The following NLGN1 variants were observed in gnomAD, a reference collection of about 807,000 sequenced individuals.
NLGN1 encodes the protein neuroligin-1.
Under a neutral mutation model 65.5 loss-of-function variants are expected in NLGN1, and 12 were observed. The observed-to-expected ratio is 0.18, with a 90% CI of 0.12 to 0.30. The LOEUF is 0.30. Ranked by LOEUF, NLGN1 falls within the 10% of genes least tolerant of loss-of-function variation. The pLI, the probability that NLGN1 is intolerant of heterozygous loss-of-function variation, is 1.00. For synonymous variants in NLGN1, 350 were observed against 359.5 expected (o/e 0.97, Z 0.30); for missense variants, 750 against 1,007.1 (o/e 0.74, Z 3.46).
intron 3 of NLGN1, among the ~76,000 whole-genome samples, chr3:173,726,461 A>G (rs1393014697): frequency 1.3e-5 from 2 of 152,062 alleles, no homozygotes; most frequent in Non-Finnish European, 2.9e-5. Context: ...AGAAAATGGT[A>G]TAAAATATTT....
In NLGN1 at chr3:173,610,114, G is replaced by A. The variant is rs542137275; in HGVS notation, c.493+5023G>A. Among the ~76,000 whole-genome samples, 11 of 151,998 alleles carry A rather than the reference G, an allele frequency of 7.2e-5. 1 individual carries two copies. Among genetic ancestry groups the A allele is most frequent in the Admixed American group, 6.6e-4 (10 of 15,206 alleles). ...AGGCTCCAGGTAAGACTTGGTCATG[G>A]TCCAGGCTCAAACCAGGGTAGTAAC... On this transcript the variant is annotated intron_variant, in intron 3 of 6. Transcript: ENST00000457714.
chr3:173,450,573 G>A (rs1185315047), intron 2 of NLGN1, among the ~76,000 whole-genome samples: 1 of 152,034 alleles, frequency 6.6e-6, no homozygotes, highest in Non-Finnish European at 1.5e-5. Flanking sequence ...TATCTTTGTG[G>A]CATTCTCTGT....
chr3:174,197,417 G>A (rs561140671), intron 4 of NLGN1, among the ~76,000 whole-genome samples: 10 of 149,272 alleles, frequency 6.7e-5, no homozygotes, highest in Middle Eastern at 3.6e-3. Context: ...TAAGTGAGCC[G>A]TACTAGGATA....
Position 173,743,203 on chromosome 3 carries a change from C to T in NLGN1, c.494-64477C>T, listed in dbSNP as rs147070252. Among the ~76,000 whole-genome samples the T allele has an allele frequency of 2.5e-3, 383 of 152,220 alleles. 1 individual carries two copies. Among genetic ancestry groups the T allele is most frequent in the Non-Finnish European group, 4.1e-3 (276 of 68,006 alleles). On this transcript the variant is annotated intron_variant, in intron 3 of 6. Coordinates refer to ENST00000457714, the Ensembl canonical transcript of NLGN1. ...AATAGATGGTAACAGTTAAGTTCTA[C>T]GTTCTAAATTTGATTTATTTTTATC...
intron 4 of NLGN1, among the ~76,000 whole-genome samples, chr3:174,124,024 C>A (rs190585815): frequency 1.8e-4 from 27 of 152,086 alleles, no homozygotes; most frequent in Admixed American, 1.3e-4. Context: ...TAAATGGGGT[C>A]ATAAGGGCGG....
intron 3 of NLGN1, among the ~76,000 whole-genome samples, chr3:173,790,960 A>G (rs1450656222): frequency 2.0e-5 from 3 of 152,204 alleles, no homozygotes; most frequent in African/African-American, 7.2e-5. Flanking sequence ...TATGACACAG[A>G]CAAATTATCA....
chr3:174,223,546 G>C (rs1346930292), intron 4 of NLGN1, among the ~76,000 whole-genome samples: 1 of 151,842 alleles, frequency 6.6e-6, no homozygotes, highest in Non-Finnish European at 1.5e-5. Context: ...CCACTCACCT[G>C]CCTTCAACTA....
intron 2 of NLGN1, among the ~76,000 whole-genome samples, chr3:173,464,262 G>A (rs938388381): frequency 1.7e-4 from 26 of 152,150 alleles, no homozygotes; most frequent in African/African-American, 6.3e-4. Flanking sequence ...TAATTTTATA[G>A]ATGTGGAAAC....
At chr3:174,051,730 A>G (rs1734934041) in intron 4 of NLGN1, among the ~76,000 whole-genome samples, 1 of 152,064 alleles carries the variant, frequency 6.6e-6, no homozygotes, top group Non-Finnish European at 1.5e-5. Flanking sequence ...AGCAAGTGAC[A>G]TTAGCTTGTG....
chr3:173,604,821 G>T (rs765261134), exon 3 of NLGN1: 7 of 1,613,532 alleles, frequency 4.3e-6, no homozygotes, highest in Non-Finnish European at 5.9e-6. Flanking sequence ...TGAAATTTTG[G>T]GGCCTGTTAT....
chr3:173,504,950 C>G (rs1731750439), intron 2 of NLGN1, among the ~76,000 whole-genome samples: 1 of 152,006 alleles, frequency 6.6e-6, no homozygotes, highest in African/African-American at 2.4e-5. Context: ...AGAGCAGATC[C>G]AGAGATTTCA....
intron 4 of NLGN1, among the ~76,000 whole-genome samples, chr3:173,960,882 C>T (rs1713384740): frequency 6.6e-6 from 1 of 151,736 alleles, no homozygotes; most frequent in South Asian, 2.1e-4. Flanking sequence ...GTCTGATCTA[C>T]CTTTAATATA....
chr3:173,545,044 G>T (rs1440282680), intron 2 of NLGN1, among the ~76,000 whole-genome samples: 14 of 150,040 alleles, frequency 9.3e-5, no homozygotes, highest in African/African-American at 3.0e-4. Context: ...AGTTTTGTGT[G>T]TGTGTGTGTG....
chr3:173,993,654 T>TGATAGCTA (rs1553909720), intron 4 of NLGN1, among the ~76,000 whole-genome samples: 4 of 147,282 alleles, frequency 2.7e-5, no homozygotes, highest in Non-Finnish European at 4.5e-5. Context: ...GCTAGATAGA[T>TGATAGCTA]GATAGATAGA....
chr3:174,203,015 T>C (rs534588803), intron 4 of NLGN1, among the ~76,000 whole-genome samples: 35 of 152,330 alleles, frequency 2.3e-4, no homozygotes, highest in African/African-American at 7.9e-4. Context: ...TTTACTTATT[T>C]ATTTATTTTG....
chr3:173,549,564 T>C (rs1440490496), intron 2 of NLGN1, among the ~76,000 whole-genome samples: 1 of 152,058 alleles, frequency 6.6e-6, no homozygotes, highest in Non-Finnish European at 1.5e-5. Context: ...AAGGTACCTC[T>C]CATTTTATAA....
At chr3:173,849,625 A>T (rs563181621) in intron 4 of NLGN1, among the ~76,000 whole-genome samples, 1 of 152,194 alleles carries the variant, frequency 6.6e-6, no homozygotes, top group Non-Finnish European at 1.5e-5. Context: ...GCCAATGCTA[A>T]CTACTTGTCC....
At chr3:174,285,669 C>T (rs1300821345) in exon 7 of NLGN1, 6 of 151,364 alleles carry the variant, frequency 4.0e-5, no homozygotes, top group Non-Finnish European at 8.9e-5. Context: ...TATTCTGGCA[C>T]GTTGCTGTAT....
intron 2 of NLGN1, among the ~76,000 whole-genome samples, chr3:173,447,278 T>C (rs919296080): frequency 1.4e-4 from 21 of 152,242 alleles, no homozygotes; most frequent in South Asian, 4.1e-4. Flanking sequence ...CAGCTTTCTA[T>C]GTATGGCTAG....
Sources: gnomAD v4.1 joint callset for allele counts (sites outside exome capture counted in the v4.1 genomes callset) on GRCh38, gnomAD v4.1.1 for gene constraint, MANE v1.5 for transcripts, NCBI Gene and HGNC (gene_info 2026-07-23, HGNC 2026-07-21) for gene names.